The following TRRAP variants were observed in gnomAD, a reference collection of about 807,000 sequenced individuals.
TRRAP encodes transformation/transcription domain associated protein.
In TRRAP, 41 loss-of-function variants were observed where a neutral mutation model predicts 438.8. The observed-to-expected ratio is 0.09, with a 90% CI of 0.07 to 0.12. The LOEUF (loss-of-function observed/expected upper bound fraction) is 0.12, where lower values mean the gene tolerates loss of function less well. TRRAP is among the 10% of genes least tolerant of loss of function. TRRAP has a pLI of 1.00. For synonymous variants in TRRAP, 1,994 were observed against 1,962.9 expected, an observed-to-expected ratio of 1.02 and a Z score of -0.42; for missense variants, 3,122 against 5,055.1, an observed-to-expected ratio of 0.62 and a Z score of 11.60.
intron 3 of TRRAP, among the ~76,000 whole-genome samples, chr7:98,885,299 G>A (rs1247615073): frequency 6.6e-6 from 1 of 151,302 alleles, no homozygotes; most frequent in Non-Finnish European, 1.5e-5. Context: ...TACCCAGTCT[G>A]GTTGAACTCT....
intron 4 of TRRAP, among the ~76,000 whole-genome samples, chr7:98,891,426 C>T (rs1327848097): frequency 6.6e-6 from 1 of 151,586 alleles, no homozygotes; most frequent in African/African-American, 2.4e-5. Flanking sequence ...GTCGTGAACT[C>T]CTGACCTCAG....
At chr7:98,885,816 A>T (rs1344342593) in intron 3 of TRRAP, among the ~76,000 whole-genome samples, 3 of 152,218 alleles carry the variant, frequency 2.0e-5, no homozygotes, top group African/African-American at 7.2e-5. Context: ...ACCTGCAGGA[A>T]CAAGCCAGTG....
chr7:98,945,933 G>C lies in TRRAP; in HGVS notation c.4531G>C (p.Ala1511Pro). ...TGTAATTTTTGTTTTGGTTCAGCCT[G>C]CCATGGAAGGGGTAGAGGTGAGAAC... ...PLSPFCQFEP[A>P]MEGVEEMKIC... The change falls in exon 33 of 73, where the codon GCC (alanine) becomes CCC (proline). Residue 1511 changes from alanine (A) to proline (P), a missense_variant. Physicochemically the swap from Ala to Pro is conservative, Grantham distance 27. Around this residue, in one of 24 missense-constraint regions of TRRAP, gnomAD observed 108 missense variants for 256.9 expected, o/e 0.42. Transcript: ENST00000456197. 6.7e-7 allele frequency: 1 copy of C among 1,494,774 alleles called. No homozygotes were observed. The highest frequency in any genetic ancestry group is 1.2e-5 in the South Asian group (1 of 81,968). The allele number at this position is 1,494,774 out of a possible 1,614,324, so 92.6% of individuals were successfully genotyped here. A position where few individuals can be genotyped will look rare whatever the true frequency, so the allele number is the denominator to read the frequency against.
At chr7:98,911,880 T>C (rs1296534470) in intron 17 of TRRAP, 142 bp from the exon 18 acceptor site, 2 of 705,794 alleles carry the variant, frequency 2.8e-6, no homozygotes, top group East Asian at 5.3e-5. Flanking sequence ...ACCCGTTTCA[T>C]TTTTTTCCTT....
intron 45 of TRRAP, among the ~76,000 whole-genome samples, chr7:98,959,932 C>G (rs1791804518): frequency 7.8e-6 from 1 of 128,704 alleles, no homozygotes; most frequent in African/African-American, 3.4e-5. Flanking sequence ...AAGACCTGGT[C>G]TCTTAAAAAA....
At position 98,956,068 on chromosome 7, in the gene TRRAP, T is replaced by C. The variant is rs1417452531; in HGVS notation, c.5938-78T>C. ...CTGAGAGGCATGTCGGGGGTGTGTG[T>C]GTGCACGTGCGCACACGTGCATGCA... On this transcript the variant is annotated intron_variant, in intron 41 of 72. Transcript: ENST00000456197. This position sits in a 1 kb window ranked among gnomAD's most constrained non-coding sequence, Gnocchi z 4.5. The C allele has an allele frequency of 3.4e-6, 5 of 1,481,640 alleles. No individual in the cohort carries two copies. The highest frequency in any genetic ancestry group is 3.6e-6 in the Non-Finnish European group (4 of 1,101,604). 91.8% of individuals were successfully genotyped at this position (1,481,640 alleles called of 1,614,324 possible).
rs1347385708 is a variant in TRRAP at position 98,953,073 on chromosome 7, GTGTGTGTT to G, written c.5464-92_5464-85del. On this transcript the variant is annotated intron_variant, in intron 39 of 72. Transcript: ENST00000456197. ...TGTGTGTGTGTGTGTGTGTGTGTGT[GTGTGTGTT>G]TTTAAGGCTTAAACCTGTCGTATGA... is the stretch of plus-strand genomic sequence containing the variant. The G allele has an allele frequency of 2.7e-4, 294 of 1,091,070 alleles. 2 individuals carry two copies. In the African/African-American group the frequency reaches 4.6e-3, roughly 17 times the overall value. 67.6% of individuals were successfully genotyped at this position (1,091,070 alleles called of 1,614,324 possible). A position where few individuals can be genotyped will look rare whatever the true frequency, so the allele number is the denominator to read the frequency against.
chr7:98,882,807 G>A (rs1269314301), intron 3 of TRRAP, among the ~76,000 whole-genome samples: 4 of 149,934 alleles, frequency 2.7e-5, no homozygotes, highest in African/African-American at 7.4e-5. Context: ...GATTACAGGT[G>A]TGCACCACAC....
chr7:98,953,678 G>A (rs1033112567), intron 40 of TRRAP, among the ~76,000 whole-genome samples: 6 of 152,198 alleles, frequency 3.9e-5, no homozygotes, highest in Admixed American at 6.5e-5. Context: ...TGAATGGTGC[G>A]GAGTTTCTGC....
chr7:98,981,832 A>G lies in TRRAP; in HGVS notation c.8698A>G (p.Ile2900Val). Residue 2900 changes from isoleucine to valine, a missense_variant, in exon 59 of 73, where the codon ATC becomes GTC. Coordinates refer to ENST00000456197, the MANE Select transcript of TRRAP (RefSeq NM_001375524.1). ...GAACATGTACCGCGGATACCTGGCC[A>G]TCTGCCACCCCGAGGAGCAGCAGCT... ...KVNMYRGYLA[I>V]CHPEEQQLSF... 2 of 1,605,738 alleles carry G rather than the reference A, an allele frequency of 1.2e-6. No individual in the cohort carries two copies. Among genetic ancestry groups the G allele is most frequent in the Admixed American group, 1.7e-5 (1 of 58,842 alleles).
chr7:98,899,965 T>C (rs1334763948), intron 10 of TRRAP, among the ~76,000 whole-genome samples, 198 bp downstream of exon 10: 1 of 152,210 alleles, frequency 6.6e-6, no homozygotes, highest in Non-Finnish European at 1.5e-5. Context: ...GATGAGATAA[T>C]AGCTCGTATT....
chr7:98,952,891 C>G (rs557466031), intron 39 of TRRAP, among the ~76,000 whole-genome samples: 1 of 152,356 alleles, frequency 6.6e-6, no homozygotes. Context: ...CAGTTTCTTG[C>G]ATGACTCAGC....
At chr7:98,925,750 T>C (rs1005800) in intron 22 of TRRAP, among the ~76,000 whole-genome samples, 106,702 of 152,216 alleles carry the variant, frequency 0.7, 41,915 homozygotes, top group South Asian at 0.88. Context: ...TTTTCTGCAT[T>C]GTAAGTTTCA....
chr7:98,989,047 A>G (rs1048075177), intron 63 of TRRAP, 81 bp downstream of exon 63: 3 of 1,456,246 alleles, frequency 2.1e-6, no homozygotes, highest in Non-Finnish European at 2.8e-6. Context: ...TAGTTTACTC[A>G]TCCGTGCCGG....
At position 98,937,742 on chromosome 7, in the gene TRRAP, G is replaced by C. The variant is rs1475780035; in HGVS notation, c.4326G>C (p.Leu1442=). The change falls in exon 30 of 73, where the codon CTG becomes CTC. Residue 1442 remains leucine (L), a synonymous_variant. Transcript: ENST00000456197. ...MMLGDYRSLT[L]NVVNRLTSVT... ...TGGGAGATTACCGGAGCTTGACGCTGAATGTTGTGAATCGCCTGACTTCGG... is the reference window on the plus strand; with the variant it reads ...TGGGAGATTACCGGAGCTTGACGCTCAATGTTGTGAATCGCCTGACTTCGG... The C allele has an allele frequency of 1.9e-6, 3 of 1,614,054 alleles. No individual in the cohort carries two copies. Among genetic ancestry groups the C allele is most frequent in the Admixed American group, 3.3e-5 (2 of 60,016 alleles).
chr7:98,993,557 A>C lies in TRRAP; in HGVS notation c.9867A>C (p.Pro3289=), dbSNP rs763872204. The C allele has an allele frequency of 2.0e-5, 33 of 1,612,362 alleles. No individual in the cohort carries two copies. The highest frequency in any genetic ancestry group is 2.5e-6 in the Non-Finnish European group (3 of 1,180,030). The change falls in exon 66 of 73, where the codon CCA becomes CCC. Residue 3289 remains proline (P), a synonymous_variant. Transcript: ENST00000456197. ...TCTCAGATTCTGGACAGCAGCAGCC[A>C]AGTTCAGTGGGTAACCAGTCCCATT... ...RYKSDSGQQQ[P]SSVGNQSHSA...
At chr7:98,955,618 A>G (rs1368507447) in intron 41 of TRRAP, among the ~76,000 whole-genome samples, 1 of 152,058 alleles carries the variant, frequency 6.6e-6, no homozygotes, top group African/African-American at 2.4e-5. Flanking sequence ...TTGACTCTAG[A>G]TTTCCATCAC....
At chr7:98,980,846 GA>G (rs1276503602) in intron 58 of TRRAP, among the ~76,000 whole-genome samples, 1 of 152,180 alleles carries the variant, frequency 6.6e-6, no homozygotes, top group Non-Finnish European at 1.5e-5. Flanking sequence ...TTGAGCCCAG[GA>G]GTTTGAGACC....
At chr7:98,963,756 C>G (rs1184712143) in intron 47 of TRRAP, among the ~76,000 whole-genome samples, 1 of 152,166 alleles carries the variant, frequency 6.6e-6, no homozygotes, top group East Asian at 1.9e-4. Flanking sequence ...GGCAAACACT[C>G]TTTGGTTGAT....
Sources: gnomAD v4.1 joint callset for allele counts (sites outside exome capture counted in the v4.1 genomes callset) on GRCh38, gnomAD v4.1.1 for gene constraint, gnomAD v4.1.1 regional missense constraint, Gnocchi (gnomAD v3.1) non-coding constraint, MANE v1.5 for transcripts, NCBI Gene and HGNC (gene_info 2026-07-23, HGNC 2026-07-21) for gene names.